MACROD2: variants seen among roughly 807,000 people sequenced by gnomAD.
MACROD2 encodes ADP-ribose glycohydrolase MACROD2.
In MACROD2, 36 loss-of-function variants were observed where a neutral mutation model predicts 70.4. The observed-to-expected ratio is 0.51, with a 90% CI of 0.39 to 0.68. MACROD2 has a LOEUF of 0.68. MACROD2 is among the 30% of genes least tolerant of loss of function. The pLI, the probability that MACROD2 is intolerant of heterozygous loss-of-function variation, is 0.00. For missense variants in MACROD2, 496 were observed against 538.4 expected, an observed-to-expected ratio of 0.92 and a Z score of 0.78; for synonymous variants, 172 against 178.8, an observed-to-expected ratio of 0.96 and a Z score of 0.30.
intron 2 of MACROD2, among the ~76,000 whole-genome samples, chr20:14,069,522 A>G (rs771856383): frequency 5.9e-5 from 9 of 151,726 alleles, no homozygotes; most frequent in Non-Finnish European, 1.2e-4. Context: ...TGGATATTAG[A>G]TTTCTGCAGT....
At chr20:14,541,129 G>A (rs150412106) in intron 4 of MACROD2, among the ~76,000 whole-genome samples, 1,827 of 152,234 alleles carry the variant, frequency 0.012, 22 homozygotes, top group Non-Finnish European at 0.018. Context: ...AGCCTTGCTA[G>A]GGTGGTTTCA....
intron 6 of MACROD2, among the ~76,000 whole-genome samples, chr20:15,251,525 G>T (rs1351942537): frequency 6.6e-6 from 1 of 152,160 alleles, no homozygotes; most frequent in Non-Finnish European, 1.5e-5. Flanking sequence ...CTTAATGAAG[G>T]ACTTGGGTGT....
intron 4 of MACROD2, among the ~76,000 whole-genome samples, chr20:14,579,173 C>T (rs1368663479): frequency 5.0e-5 from 6 of 120,902 alleles, no homozygotes; most frequent in East Asian, 2.5e-4. Flanking sequence ...CTCGCTCTGT[C>T]GCCCAGGCCG....
chr20:15,520,426 G>T (rs2047637032), intron 8 of MACROD2, among the ~76,000 whole-genome samples: 1 of 152,242 alleles, frequency 6.6e-6, no homozygotes, highest in Non-Finnish European at 1.5e-5. Context: ...TGAATGCAGT[G>T]ATAACTGCAA....
chr20:15,927,416 A>G (rs1277398203), intron 10 of MACROD2, among the ~76,000 whole-genome samples: 2 of 152,196 alleles, frequency 1.3e-5, no homozygotes, highest in Non-Finnish European at 2.9e-5. Flanking sequence ...GAGAGACTCC[A>G]GGATTTGGCA....
chr20:15,412,355 T>G (rs752810164), intron 6 of MACROD2, among the ~76,000 whole-genome samples: 5 of 152,154 alleles, frequency 3.3e-5, no homozygotes, highest in Non-Finnish European at 7.4e-5. Flanking sequence ...TCCAGCTCAT[T>G]TAATAGAGAC....
At chr20:14,670,840 C>G (rs143982265) in intron 4 of MACROD2, among the ~76,000 whole-genome samples, 2 of 152,116 alleles carry the variant, frequency 1.3e-5, no homozygotes, top group African/African-American at 4.8e-5. Flanking sequence ...GTAGTCAGCA[C>G]GCCCATGTTG....
intron 7 of MACROD2, among the ~76,000 whole-genome samples, chr20:15,469,080 C>T (rs1200257173): frequency 6.6e-6 from 1 of 152,142 alleles, no homozygotes; most frequent in Non-Finnish European, 1.5e-5. Flanking sequence ...TGCTGACAAC[C>T]ACTGATTGAC....
Position 15,836,143 on chromosome 20 carries a change from T to A in MACROD2, c.646-26602T>A, listed in dbSNP as rs1025541803. ...GTTACAACTCAGTCTTTTGCCTTTC[T>A]CAAACTCAGGCTGAGTATCTAATAA... is the stretch of plus-strand genomic sequence containing the variant. On this transcript the variant is annotated intron_variant, in intron 8 of 17. Transcript: ENST00000684519. Among the ~76,000 whole-genome samples the A allele has an allele frequency of 1.1e-4, 16 of 152,214 alleles. No homozygotes were observed. In the South Asian group the frequency reaches 1.9e-3, roughly 18 times the overall value.
intron 8 of MACROD2, among the ~76,000 whole-genome samples, chr20:15,829,398 T>C (rs550017921): frequency 6.6e-6 from 1 of 152,194 alleles, no homozygotes; most frequent in Non-Finnish European, 1.5e-5. Flanking sequence ...AGTTACAAAC[T>C]AAGTAGAATC....
intron 2 of MACROD2, among the ~76,000 whole-genome samples, chr20:14,067,072 A>G (rs2053770359): frequency 2.0e-5 from 3 of 149,884 alleles, no homozygotes; most frequent in South Asian, 4.2e-4. Flanking sequence ...CGGCCTCCCA[A>G]AGTCCTGAGA....
chr20:16,007,638 T>C (rs2066806852), intron 15 of MACROD2, among the ~76,000 whole-genome samples: 1 of 152,172 alleles, frequency 6.6e-6, no homozygotes. Context: ...AACAGCGGTA[T>C]CTACTTTTCT....
At chr20:14,537,118 G>C (rs2085375912) in intron 4 of MACROD2, among the ~76,000 whole-genome samples, 1 of 152,068 alleles carries the variant, frequency 6.6e-6, no homozygotes, top group Admixed American at 6.6e-5. Flanking sequence ...TTGATCACTG[G>C]GATAGTGGTT....
At chr20:14,582,972 A>G (rs1208983417) in intron 4 of MACROD2, among the ~76,000 whole-genome samples, 1 of 152,124 alleles carries the variant, frequency 6.6e-6, no homozygotes, top group Non-Finnish European at 1.5e-5. Context: ...TCCGTCTGTC[A>G]CTTTGTGGCT....
chr20:14,193,342 A>G (rs1201754339), intron 3 of MACROD2, among the ~76,000 whole-genome samples: 1 of 152,236 alleles, frequency 6.6e-6, no homozygotes, highest in African/African-American at 2.4e-5. Context: ...AGCTGCTTTT[A>G]TTAAGCACTA....
At chr20:14,000,857 C>G (rs1437819640) in intron 1 of MACROD2, among the ~76,000 whole-genome samples, 2 of 152,192 alleles carry the variant, frequency 1.3e-5, no homozygotes, top group Non-Finnish European at 2.9e-5. Context: ...ATACAAGTCC[C>G]TGTACAGTTT....
intron 5 of MACROD2, among the ~76,000 whole-genome samples, chr20:14,989,990 G>A (rs1411094202): frequency 1.3e-5 from 2 of 152,224 alleles, no homozygotes; most frequent in African/African-American, 2.4e-5. Context: ...TTTCTCTGGG[G>A]ATCTTGATGA....
chr20:15,906,681 A>G (rs548842117), intron 10 of MACROD2, among the ~76,000 whole-genome samples: 22 of 151,922 alleles, frequency 1.4e-4, no homozygotes, highest in Non-Finnish European at 2.4e-4. Flanking sequence ...ACAGTTTCCC[A>G]ATCTTAATTT....
intron 5 of MACROD2, among the ~76,000 whole-genome samples, chr20:14,937,647 T>C (rs552303118): frequency 3.3e-5 from 5 of 152,104 alleles, no homozygotes; most frequent in Admixed American, 6.6e-5. Context: ...GATATATATA[T>C]GTATATATAA....
Sources: gnomAD v4.1 joint callset for allele counts (sites outside exome capture counted in the v4.1 genomes callset) on GRCh38, gnomAD v4.1.1 for gene constraint, MANE v1.5 for transcripts, NCBI Gene and HGNC (gene_info 2026-07-23, HGNC 2026-07-21) for gene names.